Variants in GALNT9 observed in about 807,000 individuals in gnomAD.
GALNT9 encodes the protein GalNAc transferase 9.
Under a neutral mutation model 63.1 loss-of-function variants are expected in GALNT9, and 47 were observed. The ratio of observed to expected loss-of-function variants is 0.75; its 90% confidence interval spans 0.59 to 0.95. GALNT9 has a LOEUF of 0.95. Among genes scored for constraint, GALNT9 ranks in the 40% least tolerant of loss-of-function variants. The pLI is 0.00. For synonymous variants in GALNT9, 396 were observed against 365.7 expected (o/e 1.08, Z -0.94); for missense variants, 829 against 874.8 (o/e 0.95, Z 0.66).
At position 132,261,115 on chromosome 12, in the gene GALNT9, G is replaced by T; in HGVS notation, c.594C>A (p.Leu198=). The T allele has an allele frequency of 6.4e-7, 1 of 1,551,284 alleles. No homozygotes were observed. The highest frequency in any genetic ancestry group is 8.7e-7 in the Non-Finnish European group (1 of 1,146,906). The change falls in exon 4 of 11, where the codon CTC becomes CTA. Residue 198 remains leucine (L), a synonymous_variant. Transcript: ENST00000328957. The part of the protein sequence containing the change: ...LVDDNSDNVE[L]KFNLDQYVNK... ...TGACGTACTGGTCCAGATTGAACTT[G>T]AGTTCCACTGAGGAGAGACAAGACT...
chr12:132,281,510 C>A (rs887231502), intron 2 of GALNT9, among the ~76,000 whole-genome samples: 66 of 152,180 alleles, frequency 4.3e-4, no homozygotes, highest in African/African-American at 1.5e-3. Flanking sequence ...AATTCACATT[C>A]TCTAATTCAG....
Position 132,199,168 on chromosome 12 carries a change from T to G in GALNT9, c.1497+6A>C. ...GAGCTGCATGGGTGGCCGCTGCTAC[T>G]CCTACCTGGGAGGACATCCCGTGGC... On this transcript the variant is annotated splice_donor_region_variant and intron_variant, in intron 9 of 10. Transcript: ENST00000328957. The G allele has an allele frequency of 6.3e-7, 1 of 1,584,890 alleles. No homozygotes were observed. The highest frequency in any genetic ancestry group is 8.6e-7 in the Non-Finnish European group (1 of 1,163,682).
In GALNT9 at chr12:132,310,937, G is replaced by A. The variant is rs1431689715; in HGVS notation, c.238+18029C>T. Among the ~76,000 whole-genome samples, 1 of 152,140 alleles carries A rather than the reference G, an allele frequency of 6.6e-6. No individual in the cohort carries two copies. The highest frequency in any genetic ancestry group is 1.5e-5 in the Non-Finnish European group (1 of 68,020). ...CACTCTCCCTGGGCACACGGTTCAGGGCACCCGCTCTCCCTGGGCATGTGG... is the reference window on the plus strand; with the variant it reads ...CACTCTCCCTGGGCACACGGTTCAGAGCACCCGCTCTCCCTGGGCATGTGG... On this transcript the variant is annotated intron_variant, in intron 1 of 10. Coordinates refer to ENST00000328957, the MANE Select transcript of GALNT9 (RefSeq NM_001122636.2). This position sits in a 1 kb window ranked among gnomAD's most constrained non-coding sequence, Gnocchi z 4.8.
intron 6 of GALNT9, among the ~76,000 whole-genome samples, chr12:132,237,163 G>C (rs1170743635): frequency 3.3e-5 from 5 of 152,098 alleles, no homozygotes; most frequent in Non-Finnish European, 5.9e-5. Flanking sequence ...AGGGCTGGTT[G>C]GCTGTGTCCT....
At chr12:132,298,611 A>G (rs1881163324) in intron 1 of GALNT9, among the ~76,000 whole-genome samples, 1 of 139,270 alleles carries the variant, frequency 7.2e-6, no homozygotes, top group African/African-American at 2.8e-5. Flanking sequence ...ACCACACCTA[A>G]CCCATCCCTG....
Position 132,207,831 on chromosome 12 carries a change from G to C in GALNT9, c.1078-4141C>G, listed in dbSNP as rs117811376. 1.1e-3 allele frequency among the ~76,000 whole-genome samples: 172 copies of C among 152,280 alleles called. No individual in the cohort carries two copies. In the East Asian group the frequency reaches 0.021, roughly 19 times the overall value. ...GGGCCATTAGCTCAGGAGTGATAAA[G>C]TCGGAGAGTGAACCCCCATGCCCTC... On this transcript the variant is annotated intron_variant, in intron 6 of 10. Coordinates refer to ENST00000328957, the MANE Select transcript of GALNT9 (RefSeq NM_001122636.2).
In GALNT9 at chr12:132,203,580, G is replaced by A. The variant is rs199528726; in HGVS notation, c.1188C>T (p.Asn396=). 5.7e-4 allele frequency: 915 copies of A among 1,613,930 alleles called. 4 individuals carry two copies. In the African/African-American group the frequency reaches 9.0e-3, roughly 16 times the overall value. ...TCCACACCTCGGCGGCGCGCAGGGC[G>A]TTGCGCTTGGCATAGTAGTCAATGT... ...NNDIDYYAKR[N]ALRAAEVWMD... The change falls in exon 7 of 11, where the codon AAC becomes AAT. Residue 396 remains asparagine, a synonymous_variant. Transcript: ENST00000328957.
chr12:132,228,650 G>C (rs1877790952), intron 6 of GALNT9, among the ~76,000 whole-genome samples: 1 of 152,092 alleles, frequency 6.6e-6, no homozygotes, highest in South Asian at 2.1e-4. Context: ...CAGCGGAGTG[G>C]GGTCTCGAGG....
rs185464760 is a variant in GALNT9, at chr12:132,203,136, C to T, written c.1263+369G>A. 6.9e-3 allele frequency among the ~76,000 whole-genome samples: 1,046 copies of T among 152,304 alleles called. 8 individuals are homozygous for T. The highest frequency in any genetic ancestry group is 0.011 in the Non-Finnish European group (744 of 68,014). On this transcript the variant is annotated intron_variant, in intron 7 of 10. Coordinates refer to ENST00000328957, the MANE Select transcript of GALNT9 (RefSeq NM_001122636.2). ...GCCCGGGGCTGGGGAGGGGTCCGCA[C>T]TGGCTGACAGGTGCTGTGCAGGGCA...
chr12:132,279,652 C>T lies in GALNT9; in HGVS notation c.419+6598G>A, dbSNP rs1220403298. 6 of 152,510 alleles carry T rather than the reference C, an allele frequency of 3.9e-5. No individual in the cohort carries two copies. Among genetic ancestry groups the T allele is most frequent in the African/African-American group, 1.4e-4 (6 of 41,462 alleles). 9.4% of individuals were successfully genotyped at this position (152,510 alleles called of 1,614,324 possible). On this transcript the variant is annotated intron_variant, in intron 2 of 10. Transcript: ENST00000328957. The surrounding 1 kb of genome is among the most constrained non-coding windows in gnomAD (Gnocchi z 4.1). ...CTCTCCAGAGTTACTGTCCCTACCC[C>T]CTGTCCTCTCTCTGCAGCTCCAGCT...
chr12:132,326,222 C>T (rs1410865638), intron 1 of GALNT9, among the ~76,000 whole-genome samples: 2 of 152,234 alleles, frequency 1.3e-5, no homozygotes, highest in Non-Finnish European at 2.9e-5. Flanking sequence ...TGAAATTTAG[C>T]GTTTATGAGA....
At chr12:132,262,352 G>T in intron 3 of GALNT9, 107 bp downstream of exon 3, 1 of 1,376,170 alleles carries the variant, frequency 7.3e-7, no homozygotes, top group Non-Finnish European at 9.6e-7. Flanking sequence ...GGACAGATGG[G>T]GTGCAGTCCT....
chr12:132,254,213 G>T (rs1879031455), intron 5 of GALNT9, among the ~76,000 whole-genome samples: 1 of 151,874 alleles, frequency 6.6e-6, no homozygotes, highest in African/African-American at 2.4e-5. Context: ...GTAGAGACAG[G>T]GTTTTGCCAG....
chr12:132,205,295 T>A (rs1380478328), intron 6 of GALNT9: 2 of 152,004 alleles, frequency 1.3e-5, no homozygotes, highest in Non-Finnish European at 2.9e-5. Flanking sequence ...TCCCCCGGAC[T>A]CTCTGCCTTC....
chr12:132,243,401 G>A (rs554387048), intron 6 of GALNT9, among the ~76,000 whole-genome samples: 3 of 151,162 alleles, frequency 2.0e-5, no homozygotes, highest in Non-Finnish European at 4.4e-5. Context: ...AGCTCTCTCT[G>A]GTGGGGGCCC....
intron 1 of GALNT9, among the ~76,000 whole-genome samples, chr12:132,311,741 A>C (rs1881818795): frequency 6.6e-6 from 1 of 151,890 alleles, no homozygotes; most frequent in East Asian, 1.9e-4. Context: ...GTAGTGAGGG[A>C]ACCAGCAGCA....
In GALNT9 at chr12:132,230,121, C is replaced by T. The variant is rs1041386671; in HGVS notation, c.1077+17789G>A. The stretch of plus-strand genomic sequence containing the variant: ...AGGGCATCGTAATTCCAGCCTGGGC[C>T]ACCAAAATTCACATACCACCAGGAA... On this transcript the variant is annotated intron_variant, in intron 6 of 10. Coordinates refer to ENST00000328957, the MANE Select transcript of GALNT9 (RefSeq NM_001122636.2). Among the ~76,000 whole-genome samples, 917 of 152,196 alleles carry T rather than the reference C, an allele frequency of 6.0e-3. 9 individuals are homozygous for T. The highest frequency in any genetic ancestry group is 0.01 in the Middle Eastern group (3 of 294).
Position 132,197,953 on chromosome 12 carries a change from G to C in GALNT9, c.1504C>G (p.Arg502Gly). The change falls in exon 10 of 11, where the codon CGG (arginine) becomes GGG (glycine). Residue 502 changes from arginine (R) to glycine (G), a missense_variant. Physicochemically the swap from Arg to Gly is moderately radical, Grantham distance 125 (BLOSUM62 -2). Transcript: ENST00000328957. ...TGCAGCAGTCCATCAGCGCTGTACC[G>C]CACCAGCTGGGGACAGGACCACCGG... ...PCHGMSSQLV[R>G]YSADGLLQLG... 1 of 1,606,446 alleles carries C rather than the reference G, an allele frequency of 6.2e-7. No homozygotes were observed. Among genetic ancestry groups the C allele is most frequent in the Non-Finnish European group, 8.5e-7 (1 of 1,176,030 alleles).
At chr12:132,305,358 C>T (rs374691112) in intron 1 of GALNT9, among the ~76,000 whole-genome samples, 4 of 37,720 alleles carry the variant, frequency 1.1e-4, no homozygotes, top group Non-Finnish European at 1.9e-4. Flanking sequence ...CCCGGGCACA[C>T]CCTCACCCGG....
Sources: gnomAD v4.1 joint callset for allele counts (sites outside exome capture counted in the v4.1 genomes callset) on GRCh38, gnomAD v4.1.1 for gene constraint, Gnocchi (gnomAD v3.1) non-coding constraint, MANE v1.5 for transcripts, NCBI Gene and HGNC (gene_info 2026-07-23, HGNC 2026-07-21) for gene names.